DDX60: variants seen among roughly 807,000 people sequenced by gnomAD.
The protein encoded by DDX60 is probable ATP-dependent RNA helicase DDX60.
Under a neutral mutation model 212.8 loss-of-function variants are expected in DDX60, and 165 were observed. The observed-to-expected ratio is 0.78, with a 90% CI of 0.68 to 0.88. The LOEUF (loss-of-function observed/expected upper bound fraction) is 0.88. Ranked by LOEUF, DDX60 falls within the 40% of genes least tolerant of loss-of-function variation. DDX60 has a pLI of 0.00. For missense variants in DDX60, 1,905 were observed against 2,003.9 expected, an observed-to-expected ratio of 0.95 and a Z score of 0.94; for synonymous variants, 703 against 685.3, an observed-to-expected ratio of 1.03 and a Z score of -0.40.
chr4:168,324,929 C>T, the DDX60 span, among the ~76,000 whole-genome samples: 1 of 152,170 alleles, frequency 6.6e-6, no homozygotes, highest in Non-Finnish European at 1.5e-5. Flanking sequence ...CCACGGATGG[C>T]CTGGTAGAGG....
chr4:168,275,199 TA>T, intron 16 of DDX60, 145 bp downstream of exon 16: 1 of 764,996 alleles, frequency 1.3e-6, no homozygotes, highest in Non-Finnish European at 1.9e-6. Context: ...GGGGAAAAAA[TA>T]GTCCACATTT....
rs549819965 is a variant in DDX60, at chr4:168,243,013, A to G, written c.4164+3405T>C. ...AAGTATTATGAGATCTGATGCTTTT[A>G]AAAAGAGGAGTTCCCTTGCACAAGC... On this transcript the variant is annotated intron_variant, in intron 30 of 37. Coordinates refer to ENST00000393743, the MANE Select transcript of DDX60 (RefSeq NM_017631.6). Among the ~76,000 whole-genome samples, 247 of 152,302 alleles carry G rather than the reference A, an allele frequency of 1.6e-3. 1 individual carries two copies. The highest frequency in any genetic ancestry group is 2.8e-3 in the Non-Finnish European group (189 of 68,006).
intron 33 of DDX60, among the ~76,000 whole-genome samples, chr4:168,230,552 A>G (rs142502500): frequency 6.6e-6 from 1 of 152,266 alleles, no homozygotes; most frequent in African/African-American, 2.4e-5. Flanking sequence ...AACCATGCAA[A>G]TACATGGAAA....
intron 33 of DDX60, among the ~76,000 whole-genome samples, chr4:168,230,771 C>T (rs1029749317): frequency 6.6e-6 from 1 of 151,956 alleles, no homozygotes; most frequent in Non-Finnish European, 1.5e-5. Flanking sequence ...AAGGTCACCC[C>T]TCAAGGAACT....
At position 168,280,487 on chromosome 4, in the gene DDX60, TC is replaced by T; in HGVS notation, c.1825del (p.Glu609LysfsTer4). On this transcript the variant is annotated frameshift_variant, in exon 14 of 38. Transcript: ENST00000393743. LOFTEE classifies it high-confidence loss of function. ...QKWNALSFSI[E>X]EQLKENLHSG... is the part of the protein sequence containing the mutation. ...GTGTAAATTTTCTTTCAATTGCTCT[TC>T]AATAGAAAATGACAAAGCATTCCAC... is the stretch of plus-strand genomic sequence containing the variant. 1 of 1,614,166 alleles carries T rather than the reference TC, an allele frequency of 6.2e-7. No homozygotes were observed. Among genetic ancestry groups the T allele is most frequent in the Non-Finnish European group, 8.5e-7 (1 of 1,180,002 alleles).
intron 23 of DDX60, 115 bp from the exon 24 acceptor site, chr4:168,262,243 A>T: frequency 8.8e-7 from 1 of 1,141,782 alleles, no homozygotes. Context: ...GAGATGGTTA[A>T]ACTTTTTATC....
At chr4:168,292,630 C>T (rs1175389621) in intron 7 of DDX60, among the ~76,000 whole-genome samples, 1 of 152,080 alleles carries the variant, frequency 6.6e-6, no homozygotes, top group East Asian at 1.9e-4. Context: ...TTGAAAATTA[C>T]CAGGGCGAGG....
At chr4:168,225,250 A>G (rs1733210337) in intron 34 of DDX60, among the ~76,000 whole-genome samples, 1 of 152,042 alleles carries the variant, frequency 6.6e-6, no homozygotes, top group South Asian at 2.1e-4. Flanking sequence ...ATTCGTCTCT[A>G]GTTTCTCTTC....
rs1358827964 is a variant in DDX60, at chr4:168,246,483, T to G, written c.4099A>C (p.Thr1367Pro). 1.2e-6 allele frequency: 2 copies of G among 1,613,914 alleles called. No homozygotes were observed. Among genetic ancestry groups the G allele is most frequent in the African/African-American group, 2.7e-5 (2 of 74,904 alleles). Residue 1367 changes from threonine to proline, a missense_variant, in exon 30 of 38, where the codon ACC becomes CCC. Thr to Pro is a conservative substitution (Grantham distance 38). Coordinates refer to ENST00000393743, the MANE Select transcript of DDX60 (RefSeq NM_017631.6). Reference sequence around the variant, plus strand: ...AGCAGCATGAGTCGCAGGACCAGGGTTATGCTGAGAGGGAAGTGTCCTCTC... The same window carrying G: ...AGCAGCATGAGTCGCAGGACCAGGGGTATGCTGAGAGGGAAGTGTCCTCTC... ...ELRGHFPLSI[T>P]LVLRLMLLAS...
upstream of DDX60, among the ~76,000 whole-genome samples, chr4:168,320,704 A>G (rs1298729819): frequency 6.6e-6 from 1 of 152,252 alleles, no homozygotes; most frequent in East Asian, 1.9e-4. Context: ...GTGTTATAAC[A>G]AGAGGTAGAA....
Position 168,312,971 on chromosome 4 carries a change from T to C in DDX60, c.-106-1606A>G, listed in dbSNP as rs377759817. The stretch of plus-strand genomic sequence containing the variant: ...CTCACTCACTCAGTTACTATCTTAT[T>C]TCAAAGATTATAGAGTATCTACACT... On this transcript the variant is annotated intron_variant, in intron 1 of 37. Coordinates refer to ENST00000393743, the MANE Select transcript of DDX60 (RefSeq NM_017631.6). 2.0e-4 allele frequency among the ~76,000 whole-genome samples: 30 copies of C among 152,240 alleles called. 1 individual carries two copies. In the South Asian group the frequency reaches 6.0e-3, roughly 31 times the overall value.
At chr4:168,305,077 C>T (rs1021673180) in intron 5 of DDX60, among the ~76,000 whole-genome samples, 1 of 152,130 alleles carries the variant, frequency 6.6e-6, no homozygotes, top group African/African-American at 2.4e-5. Context: ...TGCTTAGATA[C>T]ACAAATAATT....
intron 1 of DDX60, among the ~76,000 whole-genome samples, chr4:168,316,172 G>C (rs1194824183): frequency 6.6e-6 from 1 of 152,148 alleles, no homozygotes. Context: ...AGAACCCATG[G>C]TACTTCGAAT....
At chr4:168,244,753 A>G (rs928364555) in intron 30 of DDX60, among the ~76,000 whole-genome samples, 1 of 151,954 alleles carries the variant, frequency 6.6e-6, no homozygotes, top group Non-Finnish European at 1.5e-5. Flanking sequence ...GAAAGAAAAA[A>G]AAAGAATTTC....
rs759515498 is a variant in DDX60 at position 168,224,275 on chromosome 4, C to A, written c.4792G>T (p.Asp1598Tyr). The change falls in exon 35 of 38, where the codon GAT becomes TAT. Residue 1598 changes from aspartate to tyrosine, a missense_variant. By Grantham distance (160) the Asp-to-Tyr change is radical. Coordinates refer to ENST00000393743, the MANE Select transcript of DDX60 (RefSeq NM_017631.6). ...GGAGTTTCTAGTCGAAGCAAATCAT[C>A]ATCAAAGTTCCCAGACAGACAAACA... ...PFVCLSGNFD[D>Y]DLLRLETPNH... is the part of the protein sequence containing the mutation. The A allele has an allele frequency of 6.2e-7, 1 of 1,612,506 alleles. No individual in the cohort carries two copies. Among genetic ancestry groups the A allele is most frequent in the South Asian group, 1.1e-5 (1 of 91,036 alleles).
At chr4:168,239,997 A>G (rs930581515) in intron 30 of DDX60, among the ~76,000 whole-genome samples, 2 of 152,210 alleles carry the variant, frequency 1.3e-5, no homozygotes, top group African/African-American at 4.8e-5. Flanking sequence ...AGAAAAAGAA[A>G]TAAAGGATAT....
At chr4:168,250,856 A>C in intron 28 of DDX60, 98 bp downstream of exon 28, 1 of 968,108 alleles carries the variant, frequency 1.0e-6, no homozygotes, top group Non-Finnish European at 1.4e-6. Context: ...ATTACATGAG[A>C]AAAAAAGAAA....
chr4:168,268,007 AT>A, intron 20 of DDX60, 24 bp from the exon 21 acceptor site: 1 of 1,588,700 alleles, frequency 6.3e-7, no homozygotes, highest in South Asian at 1.1e-5. Flanking sequence ...TGTACATATT[AT>A]TTAGGCAGAA....
chr4:168,250,222 A>G (rs1049863686), intron 28 of DDX60, among the ~76,000 whole-genome samples: 20 of 152,154 alleles, frequency 1.3e-4, no homozygotes, highest in African/African-American at 4.8e-4. Context: ...GTATTTATTT[A>G]GGAAATATTT....
Sources: allele counts gnomAD v4.1 joint callset (sites outside exome capture counted in the v4.1 genomes callset), GRCh38; gene constraint gnomAD v4.1.1; transcripts MANE v1.5; gene names NCBI Gene and HGNC (gene_info 2026-07-23, HGNC 2026-07-21).